BCAS3: variants seen among roughly 807,000 people sequenced by gnomAD.
BCAS3 encodes BCAS4/BCAS3 fusion.
In BCAS3, 53 loss-of-function variants were observed where a neutral mutation model predicts 116.1. That is an observed-to-expected ratio of 0.46 (90% CI 0.37 to 0.57). The LOEUF (loss-of-function observed/expected upper bound fraction) is 0.57, where lower values mean the gene tolerates loss of function less well. Ranked by LOEUF, BCAS3 falls within the 20% of genes least tolerant of loss-of-function variation. BCAS3 has a pLI of 0.00. For synonymous variants in BCAS3, 391 were observed against 408.2 expected (o/e 0.96, Z 0.51); for missense variants, 917 against 1,165.4 (o/e 0.79, Z 3.10).
chr17:61,178,453 G>T (rs1381500877), intron 22 of BCAS3, among the ~76,000 whole-genome samples: 1 of 151,896 alleles, frequency 6.6e-6, no homozygotes, highest in Non-Finnish European at 1.5e-5. Flanking sequence ...TTTTTAATGT[G>T]AATTATGATG....
In BCAS3 at chr17:61,026,504, T is replaced by A. The variant is rs554832759; in HGVS notation, c.1638-8162T>A. Among the ~76,000 whole-genome samples the A allele has an allele frequency of 6.6e-6, 1 of 152,182 alleles. No individual in the cohort carries two copies. Among genetic ancestry groups the A allele is most frequent in the African/African-American group, 2.4e-5 (1 of 41,552 alleles). On this transcript the variant is annotated intron_variant, in intron 16 of 23. Transcript: ENST00000407086. This position sits in a 1 kb window ranked among gnomAD's most constrained non-coding sequence, Gnocchi z 5.0. ...CCATTTTGTGTCACATAGCTACACA[T>A]TTGTTGCTATTGATCTCACTCTTCT...
intron 7 of BCAS3, among the ~76,000 whole-genome samples, chr17:60,830,005 A>G (rs2050772837): frequency 6.6e-6 from 1 of 151,916 alleles, no homozygotes; most frequent in African/African-American, 2.4e-5. Context: ...TTATTTATTT[A>G]TTTTGAGATG....
At position 60,702,002 on chromosome 17, in the gene BCAS3, GTCTC is replaced by G. The variant is rs374830991; in HGVS notation, c.215-7207_215-7204del. On this transcript the variant is annotated intron_variant, in intron 4 of 23. Transcript: ENST00000407086. ...AAAATAAAAAAAGAAAGAAAAGTAT[GTCTC>G]TCTCTCTCTATGTATATATGTATGT... Among the ~76,000 whole-genome samples the G allele has an allele frequency of 1.0e-3, 152 of 151,244 alleles. 2 individuals are homozygous for G. The highest frequency in any genetic ancestry group is 3.5e-3 in the African/African-American group (145 of 41,228).
At chr17:61,027,121 CAA>C (rs369879283) in intron 16 of BCAS3, among the ~76,000 whole-genome samples, 4 of 106,224 alleles carry the variant, frequency 3.8e-5, no homozygotes, top group African/African-American at 1.3e-4. Flanking sequence ...AAGTAAAAAA[CAA>C]AAAAAAAAAA....
At chr17:60,800,120 GT>G in intron 6 of BCAS3, among the ~76,000 whole-genome samples, 1 of 151,980 alleles carries the variant, frequency 6.6e-6, no homozygotes, top group Admixed American at 6.6e-5. Flanking sequence ...GGGATGTTTT[GT>G]TTTTTTAATT....
intron 12 of BCAS3, among the ~76,000 whole-genome samples, chr17:60,915,480 A>G (rs1401586679): frequency 6.6e-6 from 1 of 151,932 alleles, no homozygotes; most frequent in Admixed American, 6.6e-5. Flanking sequence ...ACTTCTTTGT[A>G]TTTCATGAGC....
At chr17:60,929,257 T>TA (rs1448369348) in intron 13 of BCAS3, among the ~76,000 whole-genome samples, 2 of 151,934 alleles carry the variant, frequency 1.3e-5, no homozygotes, top group African/African-American at 4.8e-5. Context: ...ATCCTGTATC[T>TA]AAAAAAAATT....
intron 13 of BCAS3, among the ~76,000 whole-genome samples, chr17:60,942,973 A>T (rs1460761190): frequency 6.6e-6 from 1 of 152,162 alleles, no homozygotes; most frequent in African/African-American, 2.4e-5. Context: ...AACCAGTAAA[A>T]TTTTAATATA....
intron 14 of BCAS3, chr17:60,980,636 C>G (rs978650584): frequency 1.3e-5 from 2 of 151,086 alleles, no homozygotes; most frequent in Non-Finnish European, 2.9e-5. Flanking sequence ...TGGGCTCAAG[C>G]AATACTCCCA....
chr17:61,081,154 A>G (rs950575654), intron 21 of BCAS3, among the ~76,000 whole-genome samples: 1 of 152,194 alleles, frequency 6.6e-6, no homozygotes, highest in Non-Finnish European at 1.5e-5. Flanking sequence ...TAAGTAACCA[A>G]TTTATTCTCT....
At chr17:61,237,587 C>T (rs918312343) in intron 22 of BCAS3, among the ~76,000 whole-genome samples, 1 of 152,190 alleles carries the variant, frequency 6.6e-6, no homozygotes, top group African/African-American at 2.4e-5. Flanking sequence ...CCTCGAAGGT[C>T]CGCAGCTTCA....
chr17:60,988,338 C>CTTTTTCTT (rs2063296357), intron 14 of BCAS3, among the ~76,000 whole-genome samples: 1 of 66,762 alleles, frequency 1.5e-5, no homozygotes, highest in African/African-American at 5.1e-5. Flanking sequence ...TTTTCTTTTT[C>CTTTTTCTT]TTTTTTTTTT....
intron 22 of BCAS3, among the ~76,000 whole-genome samples, chr17:61,117,563 C>A (rs1275953507): frequency 6.6e-6 from 1 of 152,098 alleles, no homozygotes; most frequent in Admixed American, 6.5e-5. Flanking sequence ...CCACTGCAAT[C>A]CAGCTTGAGT....
intron 19 of BCAS3, among the ~76,000 whole-genome samples, chr17:61,043,928 A>G (rs2067761798): frequency 6.6e-6 from 1 of 152,100 alleles, no homozygotes; most frequent in African/African-American, 2.4e-5. Context: ...GGAGGTGCTC[A>G]TTAAAATTTT....
intron 10 of BCAS3, among the ~76,000 whole-genome samples, chr17:60,897,946 C>A (rs1453952699): frequency 1.3e-5 from 2 of 151,302 alleles, no homozygotes; most frequent in African/African-American, 2.4e-5. Flanking sequence ...TGCCATGTTG[C>A]CCAAACTGGT....
intron 7 of BCAS3, among the ~76,000 whole-genome samples, chr17:60,819,451 G>A (rs1404604191): frequency 1.3e-5 from 2 of 152,114 alleles, no homozygotes; most frequent in Non-Finnish European, 2.9e-5. Context: ...TTATATTTCA[G>A]ACTTTGTATA....
chr17:60,918,919 T>G (rs1330022037), intron 12 of BCAS3, among the ~76,000 whole-genome samples: 3 of 152,198 alleles, frequency 2.0e-5, no homozygotes, highest in Non-Finnish European at 4.4e-5. Flanking sequence ...GGTCCCGATC[T>G]CCTGACCTCG....
chr17:60,874,239 T>A (rs908428579), intron 8 of BCAS3, among the ~76,000 whole-genome samples: 2 of 151,802 alleles, frequency 1.3e-5, no homozygotes, highest in African/African-American at 4.8e-5. Context: ...GCTAGTTTAT[T>A]TGTATTATTT....
At chr17:60,699,340 C>T (rs1312481024) in intron 4 of BCAS3, among the ~76,000 whole-genome samples, 2 of 151,986 alleles carry the variant, frequency 1.3e-5, no homozygotes, top group Admixed American at 1.3e-4. Flanking sequence ...TCAGCCTCTC[C>T]AGTAGCTAGG....
Sources: gnomAD v4.1 joint callset for allele counts (sites outside exome capture counted in the v4.1 genomes callset) on GRCh38, gnomAD v4.1.1 for gene constraint, Gnocchi (gnomAD v3.1) non-coding constraint, MANE v1.5 for transcripts, NCBI Gene and HGNC (gene_info 2026-07-23, HGNC 2026-07-21) for gene names.